FHIP2B: variants seen among roughly 807,000 people sequenced by gnomAD.
FHIP2B encodes the protein FHF complex subunit HOOK-interacting protein 2B.
Under a neutral mutation model 84.0 loss-of-function variants are expected in FHIP2B, and 72 were observed. The observed-to-expected ratio is 0.86, with a 90% CI of 0.71 to 1.04. The LOEUF is 1.04. FHIP2B is among the 50% of genes least tolerant of loss of function. The pLI is 0.00. For synonymous variants in FHIP2B, 497 were observed against 418.7 expected, an observed-to-expected ratio of 1.19 and a Z score of -2.28; for missense variants, 972 against 968.9, an observed-to-expected ratio of 1.00 and a Z score of -0.04.
chr8:22,102,400 T>TGGGGGGGGG, intron 15 of FHIP2B, 85 bp downstream of exon 15: 1 of 742,612 alleles, frequency 1.3e-6, no homozygotes, highest in East Asian at 3.4e-5. Context: ...GGTTGGGGGC[T>TGGGGGGGGG]GGAGGGGTGG....
chr8:22,090,249 A>G (rs1473337236), intron 1 of FHIP2B, among the ~76,000 whole-genome samples: 1 of 151,948 alleles, frequency 6.6e-6, no homozygotes, highest in African/African-American at 2.4e-5. Context: ...CCCCCAATTG[A>G]TGAGTTGAGT....
intron 1 of FHIP2B, among the ~76,000 whole-genome samples, chr8:22,089,518 C>G (rs1825353223): frequency 6.6e-6 from 1 of 150,600 alleles, no homozygotes; most frequent in South Asian, 2.1e-4. Flanking sequence ...GACCGCCCCA[C>G]CTCCCCGGCC....
rs895432659 is a variant in FHIP2B at position 22,096,590 on chromosome 8, G to A, written c.297+81G>A. On this transcript the variant is annotated intron_variant, in intron 3 of 16. Coordinates refer to ENST00000289921, the MANE Select transcript of FHIP2B (RefSeq NM_022749.7). Reference sequence around the variant, plus strand: ...GGCCAGGCCGAGGTGGGAGGCCTCTGTGCGCTGGGCCAGGCCGAGGTGGGA... The same window carrying A: ...GGCCAGGCCGAGGTGGGAGGCCTCTATGCGCTGGGCCAGGCCGAGGTGGGA... 4.2e-6 allele frequency: 6 copies of A among 1,417,484 alleles called. No homozygotes were observed. In the Admixed American group the frequency reaches 1.5e-4, roughly 34 times the overall value. The allele number at this position is 1,417,484 out of a possible 1,614,324, so 87.8% of individuals were successfully genotyped here.
In FHIP2B at chr8:22,100,736, C is replaced by T. The variant is rs758893235; in HGVS notation, c.1484C>T (p.Thr495Ile). 36 of 1,604,164 alleles carry T rather than the reference C, an allele frequency of 2.2e-5. No homozygotes were observed. Among genetic ancestry groups the T allele is most frequent in the Non-Finnish European group, 3.1e-5 (36 of 1,174,088 alleles). Residue 495 changes from threonine to isoleucine, a missense_variant, in exon 11 of 17, where the codon ACC becomes ATC. Transcript: ENST00000289921. ...CCAGAGCCTGAGAGCTATGAGGACA[C>T]CCTGTAAGTGAAACCGGCGCCCTTT... Reference protein sequence around the residue: ...GSPEPESYEDTLDLEEDPYFT... With the variant: ...GSPEPESYEDILDLEEDPYFT...
At chr8:22,101,279 T>G in intron 12 of FHIP2B, 161 bp from the exon 13 acceptor site, 2 of 667,464 alleles carry the variant, frequency 3.0e-6, no homozygotes, top group Non-Finnish European at 5.1e-6. Context: ...CACCTCAGCC[T>G]CCCAAAGTGC....
Position 22,101,378 on chromosome 8 carries a change from C to T in FHIP2B, c.1617-62C>T, listed in dbSNP as rs1016639018. Reference sequence around the variant, plus strand: ...GTCCAGTCAGGGAGGGAGATGGGGTCCCACAAGCAGGGGAGAGCAGGGTGA... The same window carrying T: ...GTCCAGTCAGGGAGGGAGATGGGGTTCCACAAGCAGGGGAGAGCAGGGTGA... On this transcript the variant is annotated intron_variant, in intron 12 of 16. Coordinates refer to ENST00000289921, the MANE Select transcript of FHIP2B (RefSeq NM_022749.7). 7.3e-6 allele frequency: 10 copies of T among 1,369,590 alleles called. No homozygotes were observed. In the African/African-American group the frequency reaches 8.6e-5, roughly 12 times the overall value. The allele number at this position is 1,369,590 out of a possible 1,614,324, so 84.8% of individuals were successfully genotyped here. A position where few individuals can be genotyped will look rare whatever the true frequency, so the allele number is the denominator to read the frequency against.
chr8:22,094,397 G>A (rs1327126346), intron 1 of FHIP2B, 43 bp from the exon 2 acceptor site: 2 of 1,551,126 alleles, frequency 1.3e-6, no homozygotes, highest in East Asian at 2.4e-5. Flanking sequence ...GGGCTCCCTG[G>A]CCTTTGTGGC....
rs978379225 is a variant in FHIP2B, at chr8:22,097,920, A to G, written c.525+81A>G. ...CCCTCTGCCCTCCTGAGGAGGCAGA[A>G]GCAGAGATCAGGTACCCGGGAGGCA... is the stretch of plus-strand genomic sequence containing the variant. On this transcript the variant is annotated intron_variant, in intron 5 of 16. Transcript: ENST00000289921. 54 of 1,573,406 alleles carry G rather than the reference A, an allele frequency of 3.4e-5. No homozygotes were observed. The Admixed American group carries it at 9.6e-4, about 28-fold the overall frequency.
rs920747342 is a variant in FHIP2B at position 22,089,183 on chromosome 8, C to G, written c.-71C>G. 26 of 984,398 alleles carry G rather than the reference C, an allele frequency of 2.6e-5. No individual in the cohort carries two copies. Among genetic ancestry groups the G allele is most frequent in the Middle Eastern group, 4.7e-4 (1 of 2,140 alleles). 61.0% of individuals were successfully genotyped at this position (984,398 alleles called of 1,614,324 possible). On this transcript the variant is annotated 5_prime_UTR_variant, in exon 1 of 17. Coordinates refer to ENST00000289921, the MANE Select transcript of FHIP2B (RefSeq NM_022749.7). The stretch of plus-strand genomic sequence containing the variant: ...CGTCGCGCCGGGGCCGCCGGGGCCA[C>G]GGGGCTGCCTCCTCCGCCTAGAGCG...
Position 22,099,290 on chromosome 8 carries a change from G to A in FHIP2B, c.1081G>A (p.Ala361Thr), listed in dbSNP as rs920639989. ...HLITEAHTVV[A>T]DALAKAVAEN... ...GGCGCTCTCTGGCACCCAGGTGGTT[G>A]CGGACGCCTTGGCGAAGGCTGTGGC... Residue 361 changes from alanine (A) to threonine (T), a missense_variant, in exon 9 of 17, where the codon GCG becomes ACG. Physicochemically the swap from Ala to Thr is moderately conservative, Grantham distance 58 (BLOSUM62 0). Coordinates refer to ENST00000289921, the MANE Select transcript of FHIP2B (RefSeq NM_022749.7). The A allele has an allele frequency of 1.2e-6, 2 of 1,613,592 alleles. No homozygotes were observed. Among genetic ancestry groups the A allele is most frequent in the Non-Finnish European group, 1.7e-6 (2 of 1,179,840 alleles).
chr8:22,099,912 AT>A lies in FHIP2B; in HGVS notation c.1341+20del. 6.3e-7 allele frequency: 1 copy of A among 1,581,592 alleles called. No individual in the cohort carries two copies. The highest frequency in any genetic ancestry group is 2.3e-5 in the East Asian group (1 of 43,102). On this transcript the variant is annotated intron_variant, in intron 10 of 16. Transcript: ENST00000289921. Reference sequence around the variant, plus strand: ...TGATGAGGTACAGTGGGGGACCTCCATCTCTGTTCCTCTCACCACCCCTGCC... The same window carrying A: ...TGATGAGGTACAGTGGGGGACCTCCACTCTGTTCCTCTCACCACCCCTGCC...
Position 22,102,820 on chromosome 8 carries a change from C to G in FHIP2B, c.2121C>G (p.Gly707=). 1 of 1,613,606 alleles carries G rather than the reference C, an allele frequency of 6.2e-7. No homozygotes were observed. The highest frequency in any genetic ancestry group is 8.5e-7 in the Non-Finnish European group (1 of 1,179,820). The part of the protein sequence containing the change: ...EQLDHQTLLQ[G]VVVLEEFCKE... ...TGGACCACCAGACCCTCCTCCAGGG[C>G]GTGGTGGTGCTGGAGGAGTTCTGCA... Residue 707 remains glycine, a synonymous_variant, in exon 17 of 17, where the codon GGC becomes GGG. Coordinates refer to ENST00000289921, the MANE Select transcript of FHIP2B (RefSeq NM_022749.7).
In FHIP2B at chr8:22,096,325, A is replaced by G; in HGVS notation, c.125-12A>G. The G allele has an allele frequency of 6.5e-7, 1 of 1,540,094 alleles. No individual in the cohort carries two copies. Among genetic ancestry groups the G allele is most frequent in the African/African-American group, 1.4e-5 (1 of 72,994 alleles). ...TTTACCCTACTCACCCTTGTTTCCC[A>G]AACATCATTAGATGAAAGCACCCCC... On this transcript the variant is annotated splice_polypyrimidine_tract_variant and intron_variant, in intron 2 of 16. Coordinates refer to ENST00000289921, the MANE Select transcript of FHIP2B (RefSeq NM_022749.7).
At chr8:22,100,533 A>G in intron 10 of FHIP2B, 61 bp from the exon 11 acceptor site, 3 of 1,469,224 alleles carry the variant, frequency 2.0e-6, no homozygotes, top group Non-Finnish European at 2.7e-6. Context: ...TAGCCATGCC[A>G]AGGCACCCCT....
chr8:22,101,427 TTCTA>T lies in FHIP2B; in HGVS notation c.1617-9_1617-6del, dbSNP rs1826105694. On this transcript the variant is annotated splice_polypyrimidine_tract_variant and intron_variant, in intron 12 of 16. Transcript: ENST00000289921. ...GAGCCGGGAGCGCCTCCACACCGGC[TTCTA>T]TCTCTCAGTTTCCTGTGCCTGGTCC... 10 of 1,599,716 alleles carry T rather than the reference TTCTA, an allele frequency of 6.3e-6. No homozygotes were observed. Among genetic ancestry groups the T allele is most frequent in the Non-Finnish European group, 8.5e-6 (10 of 1,172,594 alleles).
At position 22,102,383 on chromosome 8, in the gene FHIP2B, G is replaced by T. The variant is rs1826173367; in HGVS notation, c.1992+68G>T. 5 of 1,582,456 alleles carry T rather than the reference G, an allele frequency of 3.2e-6. No individual in the cohort carries two copies. The South Asian group carries it at 4.6e-5, about 15-fold the overall frequency. On this transcript the variant is annotated intron_variant, in intron 15 of 16. Transcript: ENST00000289921. The stretch of plus-strand genomic sequence containing the variant: ...AGGGGACATCAGGGAAAGGGAACGG[G>T]GCAGGTGGTTGGGGGCTGGAGGGGT...
intron 1 of FHIP2B, chr8:22,089,816 G>C: frequency 7.8e-7 from 1 of 1,286,444 alleles, no homozygotes; most frequent in Non-Finnish European, 1.0e-6. Flanking sequence ...CCCGGGACGT[G>C]GGAAGTGCAG....
chr8:22,094,496 G>T lies in FHIP2B; in HGVS notation c.102G>T (p.Thr34=). 1 of 1,611,444 alleles carries T rather than the reference G, an allele frequency of 6.2e-7. No homozygotes were observed. Among genetic ancestry groups the T allele is most frequent in the African/African-American group, 1.3e-5 (1 of 74,794 alleles). ...QAFVEHWKGI[T]HYYIESTDES... ...TCGTGGAGCACTGGAAGGGCATCAC[G>T]CACTACTACATCGAGAGCACAGGTG... Residue 34 remains threonine (T), a synonymous_variant, in exon 2 of 17, where the codon ACG becomes ACT. Transcript: ENST00000289921.
Position 22,101,435 on chromosome 8 carries a change from C to CT in FHIP2B, c.1617-4dup. 6.2e-7 allele frequency: 1 copy of CT among 1,605,308 alleles called. No homozygotes were observed. The highest frequency in any genetic ancestry group is 8.5e-7 in the Non-Finnish European group (1 of 1,175,648). On this transcript the variant is annotated splice_region_variant and splice_polypyrimidine_tract_variant and intron_variant, in intron 12 of 16. Transcript: ENST00000289921. Reference sequence around the variant, plus strand: ...AGCGCCTCCACACCGGCTTCTATCTCTCAGTTTCCTGTGCCTGGTCCCCGA... The same window carrying CT: ...AGCGCCTCCACACCGGCTTCTATCTCTTCAGTTTCCTGTGCCTGGTCCCCGA...
Sources: allele counts gnomAD v4.1 joint callset (sites outside exome capture counted in the v4.1 genomes callset), GRCh38; gene constraint gnomAD v4.1.1; transcripts MANE v1.5; gene names NCBI Gene and HGNC (gene_info 2026-07-23, HGNC 2026-07-21).